Variants in NEK10 observed in about 807,000 individuals in gnomAD.
NEK10 encodes the protein serine/threonine-protein kinase Nek10.
In NEK10, 122 loss-of-function variants were observed where a neutral mutation model predicts 159.8. The ratio of observed to expected loss-of-function variants is 0.76; its 90% CI spans 0.66 to 0.89. The LOEUF is 0.89. NEK10 is among the 40% of genes least tolerant of loss of function. The pLI, the probability that NEK10 is intolerant of heterozygous loss-of-function variation, is 0.00. For missense variants in NEK10, 1,342 were observed against 1,323.1 expected (o/e 1.01, Z -0.22); for synonymous variants, 466 against 457.1 (o/e 1.02, Z -0.25).
chr3:27,151,874 T>C (rs1944911576), intron 30 of NEK10, among the ~76,000 whole-genome samples: 1 of 152,120 alleles, frequency 6.6e-6, no homozygotes, highest in African/African-American at 2.4e-5. Flanking sequence ...CTGGAAAGTC[T>C]CAGCAATAGA....
chr3:27,276,296 C>G (rs903262966), intron 22 of NEK10, among the ~76,000 whole-genome samples: 1 of 151,932 alleles, frequency 6.6e-6, no homozygotes, highest in African/African-American at 2.4e-5. Flanking sequence ...GACAGGCAAG[C>G]CCAGTGTACT....
chr3:27,252,184 A>G (rs562737765), intron 23 of NEK10: 1 of 500,822 alleles, frequency 2.0e-6, no homozygotes, highest in East Asian at 5.6e-5. Context: ...GAGACACACT[A>G]TAAGCCAATT....
intron 5 of NEK10, among the ~76,000 whole-genome samples, chr3:27,324,272 T>C (rs186621633): frequency 4.9e-4 from 74 of 152,346 alleles, no homozygotes; most frequent in African/African-American, 1.6e-3. Context: ...TCATAGGCCA[T>C]AGAACGTGCA....
chr3:27,264,034 T>C (rs928741177), intron 22 of NEK10, among the ~76,000 whole-genome samples: 3 of 152,126 alleles, frequency 2.0e-5, no homozygotes, highest in Non-Finnish European at 4.4e-5. Flanking sequence ...CAATTACCCA[T>C]TTGATAGATG....
intron 26 of NEK10, among the ~76,000 whole-genome samples, chr3:27,187,147 G>A (rs1296260277): frequency 6.6e-6 from 1 of 152,128 alleles, no homozygotes; most frequent in Non-Finnish European, 1.5e-5. Flanking sequence ...TAAGGACAGA[G>A]GTCAGCATCC....
At chr3:27,304,653 G>C (rs746276827) in intron 12 of NEK10, 94 bp downstream of exon 12, 3 of 766,608 alleles carry the variant, frequency 3.9e-6, no homozygotes, top group East Asian at 2.6e-5. Context: ...AAGCAGGAGG[G>C]AATGAGGTGA....
At chr3:27,330,528 T>TA (rs2149704079) in intron 5 of NEK10, among the ~76,000 whole-genome samples, 1 of 152,248 alleles carries the variant, frequency 6.6e-6, no homozygotes, top group Non-Finnish European at 1.5e-5. Flanking sequence ...GTAGCAAAAG[T>TA]TAATATAGCT....
At chr3:27,141,670 T>A in intron 30 of NEK10, 88 bp from the exon 31 acceptor site, 1 of 954,804 alleles carries the variant, frequency 1.0e-6, no homozygotes, top group Non-Finnish European at 1.6e-6. Flanking sequence ...ACACAAATTT[T>A]AAAGCAAAGA....
rs192958133 is a variant in NEK10, at chr3:27,106,602, A to G, written c.*4670T>C. Among the ~76,000 whole-genome samples the G allele has an allele frequency of 8.5e-5, 13 of 152,306 alleles. No homozygotes were observed. In the East Asian group the frequency reaches 2.5e-3, roughly 29 times the overall value. ...AGCTAAATCATGGGTTAAGAATATC[A>G]TTTTGTAAGTGACCTTCACAGTCTG... On this transcript the variant is annotated 3_prime_UTR_variant, in exon 36 of 36. Transcript: ENST00000691995.
At chr3:27,158,853 C>T (rs1045509606) in intron 30 of NEK10, among the ~76,000 whole-genome samples, 3 of 152,164 alleles carry the variant, frequency 2.0e-5, no homozygotes, top group African/African-American at 7.2e-5. Context: ...GAAAAGAACA[C>T]GTTTCCTGTG....
chr3:27,283,407 T>C (rs898525655), intron 22 of NEK10, among the ~76,000 whole-genome samples: 12 of 152,214 alleles, frequency 7.9e-5, no homozygotes, highest in Admixed American at 5.9e-4. Context: ...TAGATTTTGT[T>C]ATTTACTACA....
At chr3:27,303,251 G>T (rs2043973874) in intron 12 of NEK10, among the ~76,000 whole-genome samples, 1 of 152,118 alleles carries the variant, frequency 6.6e-6, no homozygotes, top group African/African-American at 2.4e-5. Flanking sequence ...TTTTACCAAG[G>T]ATAGTTATGA....
intron 33 of NEK10, among the ~76,000 whole-genome samples, chr3:27,116,538 T>C (rs1490862671): frequency 6.6e-6 from 1 of 152,134 alleles, no homozygotes; most frequent in African/African-American, 2.4e-5. Flanking sequence ...AAATTGATTC[T>C]TACAGGGAGG....
At chr3:27,360,319 C>T (rs1164798779) in intron 1 of NEK10, among the ~76,000 whole-genome samples, 1 of 152,046 alleles carries the variant, frequency 6.6e-6, no homozygotes, top group Non-Finnish European at 1.5e-5. Context: ...GGTAGAGCTT[C>T]GGTCACACAT....
chr3:27,293,693 A>C, intron 15 of NEK10, 41 bp from the exon 16 acceptor site: 154 of 1,011,034 alleles, frequency 1.5e-4, no homozygotes, highest in Non-Finnish European at 2.2e-4. Flanking sequence ...ATGGTAGCTC[A>C]ACAAATTAAA....
chr3:27,142,198 T>A (rs1261749154), intron 30 of NEK10, among the ~76,000 whole-genome samples: 1 of 152,170 alleles, frequency 6.6e-6, no homozygotes, highest in Non-Finnish European at 1.5e-5. Flanking sequence ...ACCTTCACAG[T>A]TTTCAGACTA....
intron 22 of NEK10, among the ~76,000 whole-genome samples, chr3:27,263,947 A>AC (rs1409156613): frequency 6.6e-6 from 1 of 152,000 alleles, no homozygotes; most frequent in African/African-American, 2.4e-5. Flanking sequence ...TCTTGGCTCC[A>AC]CCCCCATGTA....
chr3:27,179,133 C>T lies in NEK10; in HGVS notation c.2506-4300G>A, dbSNP rs1041314740. Among the ~76,000 whole-genome samples the T allele has an allele frequency of 7.8e-4, 118 of 152,176 alleles. 3 individuals are homozygous for T. Among genetic ancestry groups the T allele is most frequent in the Admixed American group, 3.9e-4 (6 of 15,276 alleles). ...CAGGGAATCTTGAAGAATTTCCCTT[C>T]TCCCATTCTCTACATACAGTTAAGA... On this transcript the variant is annotated intron_variant, in intron 26 of 35. Transcript: ENST00000691995.
At chr3:27,239,189 C>T (rs1171281645) in intron 23 of NEK10, among the ~76,000 whole-genome samples, 1 of 147,844 alleles carries the variant, frequency 6.8e-6, no homozygotes, top group Non-Finnish European at 1.5e-5. Flanking sequence ...AATAAAATGT[C>T]AAGTTCACAA....
Sources: gnomAD v4.1 joint callset for allele counts (sites outside exome capture counted in the v4.1 genomes callset) on GRCh38, gnomAD v4.1.1 for gene constraint, MANE v1.5 for transcripts, NCBI Gene and HGNC (gene_info 2026-07-23, HGNC 2026-07-21) for gene names.